The following DNAJA4 variants were observed in gnomAD, a reference collection of about 807,000 sequenced individuals.
DNAJA4 encodes DnaJ heat shock protein family (Hsp40) member A4, also known as dnaJ homolog subfamily A member 4.
A neutral mutation model predicts 39.7 loss-of-function variants in DNAJA4; 32 were observed. The observed-to-expected ratio is 0.81, with a 90% CI of 0.61 to 1.08. DNAJA4 has a LOEUF of 1.08. Among genes scored for constraint, DNAJA4 ranks in the 50% least tolerant of loss-of-function variants. The pLI is 0.00. For synonymous variants in DNAJA4, 184 were observed against 182.4 expected, an observed-to-expected ratio of 1.01 and a Z score of -0.07; for missense variants, 439 against 505.1, an observed-to-expected ratio of 0.87 and a Z score of 1.25.
At chr15:78,264,541 CGCGGAGGAGCCGGTGGCTCTAGT>C in exon 1 of DNAJA4, 1 of 1,228,536 alleles carries the variant, frequency 8.1e-7, no homozygotes, top group Admixed American at 4.3e-5. Context: ...TAAAACCCGC[CGCGGAGGAGCCGGTGGCTCTAGT>C]GCGGTGGAGC....
chr15:78,268,276 C>T (rs915482804), intron 1 of DNAJA4, among the ~76,000 whole-genome samples: 39 of 152,216 alleles, frequency 2.6e-4, no homozygotes, highest in African/African-American at 9.4e-4. Context: ...CTGTACCAGG[C>T]ACCCAATCCT....
chr15:78,275,802 T>G, intron 5 of DNAJA4, 74 bp downstream of exon 5: 1 of 1,014,728 alleles, frequency 9.9e-7, no homozygotes, highest in Non-Finnish European at 1.4e-6. Flanking sequence ...TAGCCTGATT[T>G]TTTTATTGCT....
At chr15:78,269,612 A>G (rs1346515314) in intron 1 of DNAJA4, among the ~76,000 whole-genome samples, 1 of 152,334 alleles carries the variant, frequency 6.6e-6, no homozygotes, top group East Asian at 1.9e-4. Context: ...ATCCTTGTAC[A>G]TAACCATAGT....
chr15:78,264,858 A>C lies in DNAJA4; in HGVS notation c.95A>C (p.Lys32Thr). 1 of 1,605,872 alleles carries C rather than the reference A, an allele frequency of 6.2e-7. No homozygotes were observed. Among genetic ancestry groups the C allele is most frequent in the Non-Finnish European group, 8.5e-7 (1 of 1,176,720 alleles). ...AAGGCCTATCGGAAGCTGGCGCTCAAGTACCACCCGGACAAGAACCCGGAT... is the reference window on the plus strand; with the variant it reads ...AAGGCCTATCGGAAGCTGGCGCTCACGTACCACCCGGACAAGAACCCGGAT... Reference protein sequence around the residue: ...IKKAYRKLALKYHPDKNPDEG... With the variant: ...IKKAYRKLALTYHPDKNPDEG... The change falls in exon 1 of 7, where the codon AAG becomes ACG. Residue 32 changes from lysine (K) to threonine (T), a missense_variant. Coordinates refer to ENST00000394852, the MANE Select transcript of DNAJA4 (RefSeq NM_001130182.2).
At chr15:78,277,681 G>T (rs996766435) in intron 5 of DNAJA4, among the ~76,000 whole-genome samples, 1 of 152,182 alleles carries the variant, frequency 6.6e-6, no homozygotes, top group African/African-American at 2.4e-5. Context: ...AGCCTGTCCT[G>T]TCCAGGGGTG....
chr15:78,276,418 GC>G (rs1224072472), intron 5 of DNAJA4, among the ~76,000 whole-genome samples: 1 of 152,192 alleles, frequency 6.6e-6, no homozygotes, highest in Non-Finnish European at 1.5e-5. Flanking sequence ...CCTGAGCTCA[GC>G]CCCCAACCCC....
At chr15:78,265,708 G>A (rs2049103960) in intron 1 of DNAJA4, 2 of 697,654 alleles carry the variant, frequency 2.9e-6, no homozygotes, top group Non-Finnish European at 5.2e-6. Context: ...GGCATTGCAA[G>A]GAAAGGCTGC....
In DNAJA4 at chr15:78,269,705, AT is replaced by A. The variant is rs578136844; in HGVS notation, c.133-781del. On this transcript the variant is annotated intron_variant, in intron 1 of 6. Transcript: ENST00000394852. ...TGTTCCAATAATGTCCTTTGTAGCC[AT>A]TTTTTTTTTTCTCCCCTGTGCAGGA... Among the ~76,000 whole-genome samples the A allele has an allele frequency of 2.6e-3, 387 of 146,806 alleles. 1 individual carries two copies. Among genetic ancestry groups the A allele is most frequent in the African/African-American group, 6.2e-3 (250 of 40,230 alleles).
intron 1 of DNAJA4, among the ~76,000 whole-genome samples, chr15:78,269,837 G>A (rs11635370): frequency 0.34 from 52,030 of 151,898 alleles, 9,207 homozygotes; most frequent in Non-Finnish European, 0.4. Context: ...GGTTCCAGTG[G>A]TAACTTTTTG....
Position 78,275,725 on chromosome 15 carries a change from G to T in DNAJA4, c.874G>T (p.Ala292Ser). 1 of 1,599,368 alleles carries T rather than the reference G, an allele frequency of 6.3e-7. No homozygotes were observed. The change falls in exon 5 of 7, where the codon GCA becomes TCA. Residue 292 changes from alanine (A) to serine (S), a missense_variant. Transcript: ENST00000394852. ...DNRILVITSK[A>S]GEVIKHGDLR... Reference sequence around the variant, plus strand: ...TCGAATTCTTGTTATTACATCCAAAGCAGGTAATGTTTCAAAGTGTGTTTC... The same window carrying T: ...TCGAATTCTTGTTATTACATCCAAATCAGGTAATGTTTCAAAGTGTGTTTC...
At chr15:78,266,818 A>G (rs1364433916) in intron 1 of DNAJA4, among the ~76,000 whole-genome samples, 1 of 152,230 alleles carries the variant, frequency 6.6e-6, no homozygotes, top group African/African-American at 2.4e-5. Flanking sequence ...GTGAGTATCT[A>G]GCTGTGCAGG....
Position 78,282,051 on chromosome 15 carries a change from G to T in DNAJA4, c.*1591G>T, listed in dbSNP as rs540135412. 2.0e-5 allele frequency: 3 copies of T among 152,290 alleles called. No homozygotes were observed. The East Asian group carries it at 5.8e-4, about 29-fold the overall frequency. 9.4% of individuals were successfully genotyped at this position (152,290 alleles called of 1,614,324 possible). On this transcript the variant is annotated 3_prime_UTR_variant, in exon 7 of 7. Coordinates refer to ENST00000394852, the MANE Select transcript of DNAJA4 (RefSeq NM_001130182.2). The stretch of plus-strand genomic sequence containing the variant: ...CTGTGACTTCCTAATTATTGCTAAA[G>T]AACTACTGTTTAGTTGGTAATGGTG...
chr15:78,264,503 C>T (rs2049058654), upstream of DNAJA4: 9 of 1,239,342 alleles, frequency 7.3e-6, no homozygotes, highest in Non-Finnish European at 9.1e-6. Context: ...GTCACCGTCT[C>T]CTTGCGGAAG....
chr15:78,265,674 C>G (rs2049102678), intron 1 of DNAJA4: 1 of 702,136 alleles, frequency 1.4e-6, no homozygotes, highest in African/African-American at 1.7e-5. Flanking sequence ...CATGACCCAC[C>G]TGAATAGGTG....
chr15:78,271,097 A>G lies in DNAJA4; in HGVS notation c.313+420A>G, dbSNP rs190969975. 1.7e-4 allele frequency among the ~76,000 whole-genome samples: 26 copies of G among 152,222 alleles called. 2 individuals carry two copies. Among genetic ancestry groups the G allele is most frequent in the African/African-American group, 5.8e-4 (24 of 41,540 alleles). The stretch of plus-strand genomic sequence containing the variant: ...AAAAACCCCACCAGGTACAATTGCC[A>G]TGTTTTGAGATCATTAACTTTAAAG... On this transcript the variant is annotated intron_variant, in intron 2 of 6. Coordinates refer to ENST00000394852, the MANE Select transcript of DNAJA4 (RefSeq NM_001130182.2).
intron 1 of DNAJA4, 41 bp from the exon 2 acceptor site, chr15:78,270,456 T>C (rs2049261707): frequency 6.3e-7 from 1 of 1,589,932 alleles, no homozygotes. Flanking sequence ...ACAAAACAAC[T>C]GAAACTTCTC....
At chr15:78,276,800 C>T (rs1016648756) in intron 5 of DNAJA4, among the ~76,000 whole-genome samples, 1 of 152,198 alleles carries the variant, frequency 6.6e-6, no homozygotes, top group African/African-American at 2.4e-5. Context: ...TAAGCCTGCC[C>T]CCAGGGCAGT....
In DNAJA4 at chr15:78,281,771, A is replaced by G. The variant is rs547362237; in HGVS notation, c.*1311A>G. On this transcript the variant is annotated 3_prime_UTR_variant, in exon 7 of 7. Transcript: ENST00000394852. ...TGGTTACATGGCACCTGAGAGTTTC[A>G]CTCAGACCAGGGATCTTCCTTAGGA... is the stretch of plus-strand genomic sequence containing the variant. The G allele has an allele frequency of 6.6e-6, 1 of 152,264 alleles. No homozygotes were observed. The highest frequency in any genetic ancestry group is 1.9e-4 in the East Asian group (1 of 5,180). The allele number at this position is 152,264 out of a possible 1,614,324, so 9.4% of individuals were successfully genotyped here. A position where few individuals can be genotyped will look rare whatever the true frequency, so the allele number is the denominator to read the frequency against.
chr15:78,265,003 G>A, intron 1 of DNAJA4, 108 bp downstream of exon 1: 2 of 1,287,608 alleles, frequency 1.6e-6, no homozygotes, highest in Non-Finnish European at 2.1e-6. Flanking sequence ...TGGGGAGGCT[G>A]TCGCCAGGCG....
Sources: gnomAD v4.1 joint callset for allele counts (sites outside exome capture counted in the v4.1 genomes callset) on GRCh38, gnomAD v4.1.1 for gene constraint, MANE v1.5 for transcripts, NCBI Gene and HGNC (gene_info 2026-07-23, HGNC 2026-07-21) for gene names.